CNTN1: variants seen among roughly 807,000 people sequenced by gnomAD.
The protein encoded by CNTN1 is contactin-1.
A neutral mutation model predicts 126.4 loss-of-function variants in CNTN1; 38 were observed. The ratio of observed to expected loss-of-function variants is 0.30; its 90% CI spans 0.23 to 0.39. The LOEUF is 0.39. Ranked by LOEUF, CNTN1 falls within the 10% of genes least tolerant of loss-of-function variation. The pLI, the probability that CNTN1 is intolerant of heterozygous loss-of-function variation, is 1.00. For missense variants in CNTN1, 1,009 were observed against 1,248.4 expected, an observed-to-expected ratio of 0.81 and a Z score of 2.89; for synonymous variants, 413 against 422.6, an observed-to-expected ratio of 0.98 and a Z score of 0.28.
chr12:40,712,233 G>A (rs1283503268), intron 1 of CNTN1, among the ~76,000 whole-genome samples: 2 of 151,728 alleles, frequency 1.3e-5, no homozygotes, highest in Non-Finnish European at 2.9e-5. Flanking sequence ...TTTTCTTCTT[G>A]GAAAAAACTT....
chr12:40,826,643 C>G (rs1941622060), intron 1 of CNTN1, among the ~76,000 whole-genome samples: 1 of 152,164 alleles, frequency 6.6e-6, no homozygotes, highest in Admixed American at 6.6e-5. Flanking sequence ...CATCAGCACC[C>G]CTACTACCTT....
intron 23 of CNTN1, among the ~76,000 whole-genome samples, chr12:41,039,951 G>GC: frequency 6.6e-6 from 1 of 152,030 alleles, no homozygotes; most frequent in East Asian, 1.9e-4. Context: ...GCTTAAGAAA[G>GC]CCCCTGTGGA....
chr12:40,873,898 C>T (rs955266669), intron 1 of CNTN1, among the ~76,000 whole-genome samples: 1 of 152,048 alleles, frequency 6.6e-6, no homozygotes, highest in Non-Finnish European at 1.5e-5. Flanking sequence ...GTGTACTGGG[C>T]CCTTTAGTAC....
At position 40,933,832 on chromosome 12, in the gene CNTN1, G is replaced by A; in HGVS notation, c.939G>A (p.Glu313=). ...EDEGIYECEA[E]NIRGKDKHQA... ...AAGGCATCTATGAATGTGAGGCTGA[G>A]AACATTAGAGGAAAGGATAAACATC... Residue 313 remains glutamate, a synonymous_variant, in exon 9 of 24, where the codon GAG becomes GAA. Coordinates refer to ENST00000551295, the MANE Select transcript of CNTN1 (RefSeq NM_001843.4). 6.2e-7 allele frequency: 1 copy of A among 1,612,410 alleles called. No individual in the cohort carries two copies. The highest frequency in any genetic ancestry group is 2.2e-5 in the East Asian group (1 of 44,820).
chr12:40,885,834 G>A (rs765289911), intron 1 of CNTN1, among the ~76,000 whole-genome samples: 1 of 151,930 alleles, frequency 6.6e-6, no homozygotes. Context: ...TTGTTATCAG[G>A]AGCTGGTATA....
chr12:40,970,578 G>A (rs562800889), intron 15 of CNTN1, among the ~76,000 whole-genome samples: 3 of 152,142 alleles, frequency 2.0e-5, no homozygotes, highest in Non-Finnish European at 4.4e-5. Flanking sequence ...TATGCGTAGG[G>A]GAATGAGGTA....
chr12:41,033,493 A>C (rs1478683905), intron 23 of CNTN1, among the ~76,000 whole-genome samples: 4 of 151,988 alleles, frequency 2.6e-5, no homozygotes, highest in African/African-American at 9.7e-5. Flanking sequence ...GCATATTTTA[A>C]GTCTTTACTT....
At chr12:40,741,301 T>G (rs562774586) in intron 1 of CNTN1, among the ~76,000 whole-genome samples, 1 of 152,236 alleles carries the variant, frequency 6.6e-6, no homozygotes, top group East Asian at 1.9e-4. Context: ...ATCTGTTTTT[T>G]GATATCAGTT....
intron 23 of CNTN1, among the ~76,000 whole-genome samples, chr12:41,031,419 A>G (rs913166934): frequency 6.6e-6 from 1 of 152,328 alleles, no homozygotes; most frequent in African/African-American, 2.4e-5. Flanking sequence ...CAACATTATA[A>G]TATAGTAAAA....
At chr12:40,877,194 T>C (rs999895116) in intron 1 of CNTN1, among the ~76,000 whole-genome samples, 1 of 152,182 alleles carries the variant, frequency 6.6e-6, no homozygotes, top group African/African-American at 2.4e-5. Context: ...AACTCTGGGC[T>C]CAGTGAAGGT....
At chr12:40,760,035 T>C (rs1186159325) in intron 1 of CNTN1, among the ~76,000 whole-genome samples, 1 of 152,064 alleles carries the variant, frequency 6.6e-6, no homozygotes, top group Non-Finnish European at 1.5e-5. Context: ...GGGACATACT[T>C]TAATACCTTA....
rs763294045 is a variant in CNTN1 at position 40,993,210 on chromosome 12, A to G, written c.2054A>G (p.Asn685Ser). The G allele has an allele frequency of 3.7e-6, 6 of 1,613,746 alleles. No individual in the cohort carries two copies. The highest frequency in any genetic ancestry group is 5.1e-6 in the Non-Finnish European group (6 of 1,179,780). ...TATGAATTCCGCGTGGTAGCAACCA[A>G]TACACTGGGTAGAGGAGAGCCCAGT... ...MEYEFRVVATNTLGRGEPSIP... is the reference protein window; with the variant it reads ...MEYEFRVVATSTLGRGEPSIP... Residue 685 changes from asparagine to serine, a missense_variant, in exon 17 of 24, where the codon AAT (asparagine) becomes AGT (serine). By Grantham distance (46) the Asn-to-Ser change is conservative (BLOSUM62 1). Transcript: ENST00000551295.
chr12:40,903,026 G>A (rs1944664231), intron 1 of CNTN1, among the ~76,000 whole-genome samples: 1 of 152,186 alleles, frequency 6.6e-6, no homozygotes, highest in Non-Finnish European at 1.5e-5. Context: ...ATTGAGAAGT[G>A]CTGTTGTTTT....
intron 1 of CNTN1, among the ~76,000 whole-genome samples, chr12:40,698,132 G>A (rs1029540044): frequency 6.6e-6 from 1 of 151,660 alleles, no homozygotes; most frequent in African/African-American, 2.4e-5. Flanking sequence ...AGGTTTGCCC[G>A]GTTCTCCAGA....
chr12:40,746,902 C>T (rs1413422963), intron 1 of CNTN1, among the ~76,000 whole-genome samples: 1 of 152,058 alleles, frequency 6.6e-6, no homozygotes, highest in Admixed American at 6.6e-5. Flanking sequence ...GTGTTTTTAT[C>T]TATTAGGAAA....
chr12:40,730,234 A>C (rs1288489334), intron 1 of CNTN1, among the ~76,000 whole-genome samples: 1 of 152,216 alleles, frequency 6.6e-6, no homozygotes, highest in East Asian at 1.9e-4. Context: ...GCAGGGCATG[A>C]GAATTTTGTA....
intron 1 of CNTN1, among the ~76,000 whole-genome samples, chr12:40,734,492 G>A (rs1480868200): frequency 6.6e-6 from 1 of 152,132 alleles, no homozygotes; most frequent in African/African-American, 2.4e-5. Flanking sequence ...TGGATGAAGA[G>A]CACTGCTTCT....
chr12:40,769,888 A>G (rs935230527), intron 1 of CNTN1, among the ~76,000 whole-genome samples: 3 of 152,170 alleles, frequency 2.0e-5, no homozygotes, highest in Non-Finnish European at 2.9e-5. Flanking sequence ...GTAATTAGTT[A>G]TGTGTAAATA....
intron 23 of CNTN1, among the ~76,000 whole-genome samples, chr12:41,043,930 A>C (rs879829567): frequency 2.0e-4 from 28 of 139,550 alleles, no homozygotes; most frequent in Non-Finnish European, 3.8e-4. Flanking sequence ...GTTCTCACTC[A>C]TAGGTGGGAA....
Sources: gnomAD v4.1 joint callset for allele counts (sites outside exome capture counted in the v4.1 genomes callset) on GRCh38, gnomAD v4.1.1 for gene constraint, MANE v1.5 for transcripts, NCBI Gene and HGNC (gene_info 2026-07-23, HGNC 2026-07-21) for gene names.